The following DLG2 variants were observed in gnomAD, a reference collection of about 807,000 sequenced individuals.
DLG2 encodes the protein discs large MAGUK scaffold protein 2.
In DLG2, 45 loss-of-function variants were observed where a neutral mutation model predicts 132.5. The ratio of observed to expected loss-of-function variants is 0.34; its 90% CI spans 0.27 to 0.44. The LOEUF is 0.44. DLG2 is among the 20% of genes least tolerant of loss of function. DLG2 has a pLI of 1.00. For synonymous variants in DLG2, 424 were observed against 419.6 expected (o/e 1.01, Z -0.13); for missense variants, 1,045 against 1,196.9 (o/e 0.87, Z 1.87).
At chr11:85,082,140 T>C (rs1188936113) in intron 6 of DLG2, among the ~76,000 whole-genome samples, 33 of 152,206 alleles carry the variant, frequency 2.2e-4, no homozygotes, top group Admixed American at 2.2e-3. Context: ...TGCCTTCTTT[T>C]TGATCAATTT....
intron 3 of DLG2, among the ~76,000 whole-genome samples, chr11:85,559,096 T>G (rs4294591): frequency 1.3e-5 from 2 of 151,554 alleles, no homozygotes; most frequent in African/African-American, 4.8e-5. Context: ...AAATGGAATA[T>G]AGGGTTCCAA....
At chr11:84,017,045 A>G (rs904908765) in intron 11 of DLG2, among the ~76,000 whole-genome samples, 4 of 152,196 alleles carry the variant, frequency 2.6e-5, no homozygotes, top group African/African-American at 9.6e-5. Flanking sequence ...CACAGAGAAC[A>G]TAGCATATGC....
intron 6 of DLG2, among the ~76,000 whole-genome samples, chr11:84,758,380 C>T (rs1226714278): frequency 6.6e-6 from 1 of 152,158 alleles, no homozygotes; most frequent in Non-Finnish European, 1.5e-5. Flanking sequence ...TATTTGCCCT[C>T]ATCAATGTTG....
At chr11:84,621,685 G>C (rs1168365676) in intron 6 of DLG2, among the ~76,000 whole-genome samples, 1 of 152,080 alleles carries the variant, frequency 6.6e-6, no homozygotes, top group African/African-American at 2.4e-5. Context: ...TAATTGGTTG[G>C]TCAGTTCCTA....
intron 18 of DLG2, among the ~76,000 whole-genome samples, chr11:83,764,179 A>G (rs1022058949): frequency 1.3e-5 from 2 of 152,186 alleles, no homozygotes; most frequent in Admixed American, 6.5e-5. Flanking sequence ...CTGGAATCAC[A>G]TAAGCATTGG....
chr11:85,072,325 T>C (rs1044092135), intron 6 of DLG2, among the ~76,000 whole-genome samples: 15 of 151,818 alleles, frequency 9.9e-5, no homozygotes, highest in African/African-American at 3.6e-4. Context: ...TAAGCATGTA[T>C]AAATTCTTTG....
intron 4 of DLG2, among the ~76,000 whole-genome samples, chr11:85,259,316 C>T (rs1267543696): frequency 6.6e-6 from 1 of 152,152 alleles, no homozygotes; most frequent in Non-Finnish European, 1.5e-5. Context: ...TCCCCTTTGC[C>T]TTCCACCATG....
intron 6 of DLG2, among the ~76,000 whole-genome samples, chr11:84,793,776 C>A (rs1017266240): frequency 3.3e-5 from 5 of 151,764 alleles, no homozygotes; most frequent in African/African-American, 1.2e-4. Context: ...TATTTTTATT[C>A]TATGTGTTTC....
chr11:83,742,771 T>A (rs1252270941), intron 18 of DLG2, among the ~76,000 whole-genome samples: 1 of 152,176 alleles, frequency 6.6e-6, no homozygotes, highest in Non-Finnish European at 1.5e-5. Context: ...TACAGTAGAA[T>A]TAGAATTAGA....
chr11:85,482,391 CATGGTCCCATGCTCAAGGCCAGATCCT>C (rs975206272), intron 3 of DLG2, among the ~76,000 whole-genome samples: 7 of 152,212 alleles, frequency 4.6e-5, no homozygotes, highest in Non-Finnish European at 1.0e-4. Flanking sequence ...GGCCAGTCCC[CATGGTCCCATGCTCAAGGCCAGATCCT>C]ATGGTCCAAT....
intron 18 of DLG2, among the ~76,000 whole-genome samples, chr11:83,669,699 G>A (rs564770120): frequency 6.6e-6 from 1 of 152,194 alleles, no homozygotes; most frequent in African/African-American, 2.4e-5. Flanking sequence ...AAATAAAGAG[G>A]AACAGACAAC....
intron 21 of DLG2, among the ~76,000 whole-genome samples, chr11:83,508,425 T>TTTTTTTTTTTTTA (rs1383221762): frequency 1.4e-5 from 2 of 144,222 alleles, no homozygotes; most frequent in Non-Finnish European, 3.0e-5. Context: ...TTTTTTTTTT[T>TTTTTTTTTTTTTA]AGTAGAGATG....
At chr11:83,788,595 G>C (rs1420812456) in intron 17 of DLG2, among the ~76,000 whole-genome samples, 1 of 152,238 alleles carries the variant, frequency 6.6e-6, no homozygotes, top group Non-Finnish European at 1.5e-5. Flanking sequence ...TGATGAGTTA[G>C]AAGTATGAAT....
At chr11:83,486,382 A>C (rs1431457112) in intron 21 of DLG2, 7 of 566,358 alleles carry the variant, frequency 1.2e-5, no homozygotes, top group Non-Finnish European at 6.2e-6. Flanking sequence ...TTTCATGCAA[A>C]TACAAAACAA....
intron 6 of DLG2, chr11:84,686,984 A>G (rs933037119): frequency 6.6e-6 from 1 of 151,824 alleles, no homozygotes; most frequent in African/African-American, 2.4e-5. Context: ...AGGAGTGGGC[A>G]TGTTTTCCTG....
chr11:83,781,043 A>G (rs1163223540), intron 18 of DLG2, among the ~76,000 whole-genome samples: 1 of 152,214 alleles, frequency 6.6e-6, no homozygotes, highest in Admixed American at 6.5e-5. Context: ...GAGATCTTAC[A>G]ATTCTAAGAA....
chr11:84,305,355 C>G lies in DLG2; in HGVS notation c.520-54064G>C, dbSNP rs150686481. ...TTACAAAGGGTACAGGAAAATAAAA[C>G]AGCAGATATACAATAAATTCTAGGT... On this transcript the variant is annotated intron_variant, in intron 7 of 27. Coordinates refer to ENST00000376104, the MANE Select transcript of DLG2 (RefSeq NM_001142699.3). Among the ~76,000 whole-genome samples, 551 of 152,158 alleles carry G rather than the reference C, an allele frequency of 3.6e-3. 6 individuals are homozygous for G. Among genetic ancestry groups the G allele is most frequent in the Middle Eastern group, 0.031 (9 of 294 alleles).
intron 12 of DLG2, among the ~76,000 whole-genome samples, chr11:83,974,126 C>T (rs1252094440): frequency 6.6e-6 from 1 of 152,018 alleles, no homozygotes; most frequent in Non-Finnish European, 1.5e-5. Context: ...CAGAGAGTTA[C>T]AGGTCTTGAT....
At chr11:84,898,792 T>G (rs886218646) in intron 6 of DLG2, among the ~76,000 whole-genome samples, 13 of 152,024 alleles carry the variant, frequency 8.6e-5, no homozygotes, top group Admixed American at 3.3e-4. Context: ...TGGCCCAGCT[T>G]AAAACATCAC....
Sources: allele counts gnomAD v4.1 joint callset (sites outside exome capture counted in the v4.1 genomes callset), GRCh38; gene constraint gnomAD v4.1.1; transcripts MANE v1.5; gene names NCBI Gene and HGNC (gene_info 2026-07-23, HGNC 2026-07-21).